Variants in KSR2 observed in about 807,000 individuals in gnomAD.
The protein encoded by KSR2 is kinase suppressor of ras 2.
Under a neutral mutation model 107.8 loss-of-function variants are expected in KSR2, and 25 were observed. The ratio of observed to expected loss-of-function variants is 0.23; its 90% CI spans 0.17 to 0.32. KSR2 has a LOEUF of 0.32. KSR2 is among the 10% of genes least tolerant of loss of function. The pLI, the probability that KSR2 is intolerant of heterozygous loss-of-function variation, is 1.00. For missense variants in KSR2, 887 were observed against 1,268.9 expected, an observed-to-expected ratio of 0.70 and a Z score of 4.57; for synonymous variants, 480 against 507.0, an observed-to-expected ratio of 0.95 and a Z score of 0.71.
intron 1 of KSR2, among the ~76,000 whole-genome samples, chr12:117,871,376 G>A (rs1893644998): frequency 1.3e-5 from 2 of 152,118 alleles, no homozygotes; most frequent in South Asian, 4.2e-4. Context: ...ATCACTTGAG[G>A]TCAGGAGTTC....
intron 4 of KSR2, among the ~76,000 whole-genome samples, chr12:117,723,652 C>T (rs1887298627): frequency 1.3e-5 from 2 of 151,422 alleles, no homozygotes; most frequent in Non-Finnish European, 2.9e-5. Context: ...TTGGTGAAAT[C>T]CAAATAAGAT....
intron 12 of KSR2, among the ~76,000 whole-genome samples, 161 bp from the exon 13 acceptor site, chr12:117,527,280 G>GACACACAC (rs59836858): frequency 1.6e-5 from 2 of 124,468 alleles, no homozygotes; most frequent in African/African-American, 6.1e-5. Context: ...CCATAACCTC[G>GACACACAC]ACACACACAC....
Position 117,745,029 on chromosome 12 carries a change from T to C in KSR2, c.986+15982A>G, listed in dbSNP as rs572409243. Among the ~76,000 whole-genome samples, 4 of 152,278 alleles carry C rather than the reference T, an allele frequency of 2.6e-5. No homozygotes were observed. The South Asian group carries it at 8.3e-4, about 32-fold the overall frequency. Reference sequence around the variant, plus strand: ...GAACTAAGTGCTGTTATGAGCCTCATTATATAGATGAGGAAACCAAGGCTC... The same window carrying C: ...GAACTAAGTGCTGTTATGAGCCTCACTATATAGATGAGGAAACCAAGGCTC... On this transcript the variant is annotated intron_variant, in intron 4 of 19. Coordinates refer to ENST00000339824, the MANE Select transcript of KSR2 (RefSeq NM_173598.6).
At chr12:117,682,972 C>T (rs991873298) in intron 4 of KSR2, among the ~76,000 whole-genome samples, 3 of 152,068 alleles carry the variant, frequency 2.0e-5, no homozygotes, top group Middle Eastern at 3.2e-3. Context: ...GCAGAGGAGT[C>T]AGATGCCTCC....
At chr12:117,614,356 A>C (rs905462308) in intron 5 of KSR2, among the ~76,000 whole-genome samples, 1 of 152,206 alleles carries the variant, frequency 6.6e-6, no homozygotes, top group Non-Finnish European at 1.5e-5. Flanking sequence ...TTATAATTTA[A>C]ATAAGGAGTG....
chr12:117,750,178 A>G (rs1267577474), intron 4 of KSR2, among the ~76,000 whole-genome samples: 1 of 148,798 alleles, frequency 6.7e-6, no homozygotes, highest in Non-Finnish European at 1.5e-5. Flanking sequence ...TGAACCCGGG[A>G]GGCAGAGATT....
Position 117,501,499 on chromosome 12 carries a change from TG to T in KSR2, c.2220-15809del, listed in dbSNP as rs1218803712. Reference sequence around the variant, plus strand: ...ACTTGCTCACTCAGTCAACCATTTGTGCCTCTATGCATGTGCTGAGCTAACA... The same window carrying T: ...ACTTGCTCACTCAGTCAACCATTTGTCCTCTATGCATGTGCTGAGCTAACA... On this transcript the variant is annotated intron_variant, in intron 14 of 19. Transcript: ENST00000339824. 1.3e-5 allele frequency among the ~76,000 whole-genome samples: 2 copies of T among 152,242 alleles called. 1 individual carries two copies. Among genetic ancestry groups the T allele is most frequent in the African/African-American group, 4.8e-5 (2 of 41,468 alleles).
intron 5 of KSR2, among the ~76,000 whole-genome samples, chr12:117,582,812 T>A (rs1879748920): frequency 6.6e-6 from 1 of 152,150 alleles, no homozygotes; most frequent in South Asian, 2.1e-4. Context: ...TGATTTTGGG[T>A]TCGAGGAACC....
At chr12:117,664,679 C>A (rs1421585435) in intron 5 of KSR2, among the ~76,000 whole-genome samples, 2 of 152,050 alleles carry the variant, frequency 1.3e-5, no homozygotes, top group Non-Finnish European at 2.9e-5. Context: ...GGAGTGCATA[C>A]CCCTGGGGAA....
At chr12:117,807,117 C>A (rs559586652) in intron 3 of KSR2, among the ~76,000 whole-genome samples, 30 of 152,274 alleles carry the variant, frequency 2.0e-4, no homozygotes, top group Middle Eastern at 6.8e-3. Context: ...CTGCGAGCCC[C>A]TGATCAAACC....
chr12:117,944,843 G>C (rs576871799), intron 1 of KSR2, among the ~76,000 whole-genome samples: 2 of 152,066 alleles, frequency 1.3e-5, no homozygotes, highest in Non-Finnish European at 2.9e-5. Flanking sequence ...GGGCAACAGA[G>C]TGAGACCCTG....
chr12:117,545,151 C>A (rs1005846864), intron 9 of KSR2, among the ~76,000 whole-genome samples: 3 of 152,040 alleles, frequency 2.0e-5, no homozygotes, highest in African/African-American at 7.2e-5. Context: ...GATATTGAAC[C>A]AGTCTTTTAT....
intron 4 of KSR2, among the ~76,000 whole-genome samples, chr12:117,697,341 G>A (rs1886109511): frequency 6.6e-6 from 1 of 152,210 alleles, no homozygotes; most frequent in African/African-American, 2.4e-5. Context: ...GGCAGAAAAT[G>A]TTGATTCTTG....
At chr12:117,725,873 G>A (rs1435642280) in intron 4 of KSR2, among the ~76,000 whole-genome samples, 1 of 152,052 alleles carries the variant, frequency 6.6e-6, no homozygotes, top group East Asian at 1.9e-4. Context: ...CTTAAACCCA[G>A]GAGGTAGAGG....
intron 3 of KSR2, among the ~76,000 whole-genome samples, chr12:117,785,716 G>C (rs1890048048): frequency 6.6e-6 from 1 of 152,144 alleles, no homozygotes; most frequent in Non-Finnish European, 1.5e-5. Flanking sequence ...GAAAGAGTCA[G>C]TGAATGTGAA....
intron 5 of KSR2, among the ~76,000 whole-genome samples, chr12:117,648,046 A>G (rs1883729398): frequency 6.6e-6 from 1 of 152,172 alleles, no homozygotes; most frequent in African/African-American, 2.4e-5. Context: ...TCCAGTTACA[A>G]GAATCAGCAA....
intron 5 of KSR2, among the ~76,000 whole-genome samples, chr12:117,608,986 T>C (rs912041991): frequency 6.6e-6 from 1 of 152,120 alleles, no homozygotes; most frequent in Admixed American, 6.5e-5. Flanking sequence ...CTATATTCTG[T>C]CCACAGGTAG....
In KSR2 at chr12:117,667,562, G is replaced by A. The variant is rs749386555; in HGVS notation, c.1083C>T (p.Ser361=). ...IPSQQRSPLL[S]ERSLRSFFVG... ...CAAAGAAGGAGCGGAGGGAGCGCTC[G>A]GACAGCAGCGGGGAGCGCTGCTGAG... Residue 361 remains serine, a synonymous_variant, in exon 5 of 20, where the codon TCC becomes TCT. Coordinates refer to ENST00000339824, the MANE Select transcript of KSR2 (RefSeq NM_173598.6). 15 of 1,613,046 alleles carry A rather than the reference G, an allele frequency of 9.3e-6. No individual in the cohort carries two copies. The highest frequency in any genetic ancestry group is 2.2e-5 in the East Asian group (1 of 44,878).
At chr12:117,790,435 G>C (rs192980565) in intron 3 of KSR2, among the ~76,000 whole-genome samples, 1 of 152,302 alleles carries the variant, frequency 6.6e-6, no homozygotes, top group African/African-American at 2.4e-5. Context: ...CTGGCTCCGT[G>C]AATCTGCATT....
Sources: gnomAD v4.1 joint callset for allele counts (sites outside exome capture counted in the v4.1 genomes callset) on GRCh38, gnomAD v4.1.1 for gene constraint, MANE v1.5 for transcripts, NCBI Gene and HGNC (gene_info 2026-07-23, HGNC 2026-07-21) for gene names.